CADM1: variants seen among roughly 807,000 people sequenced by gnomAD.
CADM1 encodes the protein TSLC-1.
A neutral mutation model predicts 53.1 loss-of-function variants in CADM1; 15 were observed. The ratio of observed to expected loss-of-function variants is 0.28; its 90% CI spans 0.19 to 0.44. CADM1 has a LOEUF of 0.44. Among genes scored for constraint, CADM1 ranks in the 20% least tolerant of loss-of-function variants. The pLI is 1.00. For synonymous variants in CADM1, 281 were observed against 243.0 expected, an observed-to-expected ratio of 1.16 and a Z score of -1.45; for missense variants, 434 against 611.3, an observed-to-expected ratio of 0.71 and a Z score of 3.06.
chr11:115,465,897 A>G (rs1363384052), intron 1 of CADM1, among the ~76,000 whole-genome samples: 3 of 152,166 alleles, frequency 2.0e-5, no homozygotes, highest in African/African-American at 7.2e-5. Context: ...CTTTAATTCT[A>G]TAATAGAATT....
At chr11:115,195,681 C>G (rs919010246) in intron 9 of CADM1, among the ~76,000 whole-genome samples, 3 of 152,200 alleles carry the variant, frequency 2.0e-5, no homozygotes, top group Non-Finnish European at 4.4e-5. Context: ...AGTTCTGTAT[C>G]ATCATCTCTT....
chr11:115,374,996 T>C (rs534029379), intron 1 of CADM1, among the ~76,000 whole-genome samples: 2 of 152,330 alleles, frequency 1.3e-5, no homozygotes, highest in Middle Eastern at 3.4e-3. Flanking sequence ...GGTACAAAAG[T>C]ATTTAGGTAA....
intron 1 of CADM1, among the ~76,000 whole-genome samples, chr11:115,385,024 G>C (rs1946665319): frequency 6.6e-6 from 1 of 152,122 alleles, no homozygotes; most frequent in African/African-American, 2.4e-5. Flanking sequence ...ATCTAAGACT[G>C]TGCTTTTGAT....
At chr11:115,193,009 G>A (rs992714048) in intron 9 of CADM1, among the ~76,000 whole-genome samples, 1 of 152,164 alleles carries the variant, frequency 6.6e-6, no homozygotes, top group Admixed American at 6.5e-5. Flanking sequence ...GCCATAGTTG[G>A]ACAATTTCTG....
chr11:115,283,218 T>C (rs1055161884), intron 1 of CADM1, among the ~76,000 whole-genome samples: 1 of 152,198 alleles, frequency 6.6e-6, no homozygotes, highest in Non-Finnish European at 1.5e-5. Flanking sequence ...GAAAGCATTT[T>C]AGAGGCTACG....
At chr11:115,289,539 G>T (rs7936399) in intron 1 of CADM1, among the ~76,000 whole-genome samples, 81,594 of 150,828 alleles carry the variant, frequency 0.54, 24,677 homozygotes, top group East Asian at 0.87. Context: ...TCAACATATG[G>T]GAGCACTTGA....
intron 1 of CADM1, among the ~76,000 whole-genome samples, chr11:115,384,842 T>G (rs1204346614): frequency 6.6e-6 from 1 of 152,216 alleles, no homozygotes; most frequent in Non-Finnish European, 1.5e-5. Flanking sequence ...CAACTGGCAT[T>G]CCACTGGCCC....
At chr11:115,450,977 T>G (rs966480537) in intron 1 of CADM1, among the ~76,000 whole-genome samples, 7 of 152,220 alleles carry the variant, frequency 4.6e-5, no homozygotes, top group African/African-American at 1.2e-4. Flanking sequence ...AAGGCTAACA[T>G]TTCAGTTATC....
At chr11:115,242,336 G>GAAAAAAAAAAAAAAAAAAAAGAAAAAAAA (rs200660668) in intron 1 of CADM1, among the ~76,000 whole-genome samples, 2 of 57,610 alleles carry the variant, frequency 3.5e-5, no homozygotes, top group African/African-American at 6.2e-5. Context: ...AAGGTGATCA[G>GAAAAAAAAAAAAAAAAAAAAGAAAAAAAA]AAAAAAAAAA....
At chr11:115,321,360 G>C (rs1481576788) in intron 1 of CADM1, among the ~76,000 whole-genome samples, 1 of 152,002 alleles carries the variant, frequency 6.6e-6, no homozygotes, top group Non-Finnish European at 1.5e-5. Context: ...ACAGTACTTG[G>C]GGAAAAATGC....
chr11:115,181,591 C>A (rs902032736), intron 10 of CADM1, among the ~76,000 whole-genome samples: 1 of 152,202 alleles, frequency 6.6e-6, no homozygotes, highest in Admixed American at 6.5e-5. Context: ...GGAACACTGC[C>A]GGTTACGAGC....
At chr11:115,467,822 G>GA (rs532756548) in intron 1 of CADM1, among the ~76,000 whole-genome samples, 118 of 151,748 alleles carry the variant, frequency 7.8e-4, no homozygotes, top group African/African-American at 2.8e-3. Context: ...TTAAACAAAA[G>GA]AAAAAAAATC....
chr11:115,174,285 GTTTT>G lies in CADM1; in HGVS notation c.*2185_*2188del, dbSNP rs1938917371. 2.0e-6 allele frequency: 2 copies of G among 981,356 alleles called. No homozygotes were observed. The highest frequency in any genetic ancestry group is 2.4e-6 in the Non-Finnish European group (2 of 827,470). 60.8% of individuals were successfully genotyped at this position (981,356 alleles called of 1,614,324 possible). A position where few individuals can be genotyped will look rare whatever the true frequency, so the allele number is the denominator to read the frequency against. On this transcript the variant is annotated 3_prime_UTR_variant, in exon 12 of 12. Coordinates refer to ENST00000331581, the MANE Select transcript of CADM1 (RefSeq NM_001301043.2). ...GGTGTGATTTTTTTTTTTTGTTTTT[GTTTT>G]TGTTTTTCTTTTTTTCTAAAAAGAA...
chr11:115,285,313 T>C (rs767797756), intron 1 of CADM1, among the ~76,000 whole-genome samples: 3 of 152,236 alleles, frequency 2.0e-5, no homozygotes, highest in Non-Finnish European at 4.4e-5. Context: ...ATATAGCTCA[T>C]AATATGTAAA....
intron 1 of CADM1, among the ~76,000 whole-genome samples, chr11:115,294,173 C>T (rs2135117168): frequency 6.6e-6 from 1 of 152,248 alleles, no homozygotes; most frequent in Admixed American, 6.5e-5. Context: ...CCAGACGTAG[C>T]CTCTGGTGAC....
chr11:115,311,505 G>T (rs1944531705), intron 1 of CADM1, among the ~76,000 whole-genome samples: 1 of 151,736 alleles, frequency 6.6e-6, no homozygotes, highest in South Asian at 2.1e-4. Context: ...TAGACCGTGG[G>T]TTTCATATCC....
intron 1 of CADM1, among the ~76,000 whole-genome samples, chr11:115,248,885 C>T (rs1459994064): frequency 6.6e-6 from 1 of 152,096 alleles, no homozygotes; most frequent in Non-Finnish European, 1.5e-5. Context: ...TCATTTTAAG[C>T]CTGCTAAATC....
chr11:115,224,447 C>T (rs1016231837), intron 5 of CADM1, among the ~76,000 whole-genome samples: 3 of 152,110 alleles, frequency 2.0e-5, no homozygotes, highest in Non-Finnish European at 4.4e-5. Flanking sequence ...GGCATTCAAG[C>T]ACCCATTTCT....
intron 1 of CADM1, among the ~76,000 whole-genome samples, chr11:115,282,699 T>C (rs1943620755): frequency 6.6e-6 from 1 of 152,118 alleles, no homozygotes; most frequent in African/African-American, 2.4e-5. Flanking sequence ...GAGGCTGCAT[T>C]TTGGGTTTCT....
Sources: allele counts gnomAD v4.1 joint callset (sites outside exome capture counted in the v4.1 genomes callset), GRCh38; gene constraint gnomAD v4.1.1; transcripts MANE v1.5; gene names NCBI Gene and HGNC (gene_info 2026-07-23, HGNC 2026-07-21).